Variants in PLEKHA5 observed in about 807,000 individuals in gnomAD.
PLEKHA5 encodes the protein pleckstrin homology domain-containing family A member 5.
PLEKHA5 carries 55 observed loss-of-function variants against 181.9 expected under a neutral mutation model. That is an observed-to-expected ratio of 0.30 (90% CI 0.24 to 0.38). The LOEUF is 0.38. Among genes scored for constraint, PLEKHA5 ranks in the 10% least tolerant of loss-of-function variants. The pLI, the probability that PLEKHA5 is intolerant of heterozygous loss-of-function variation, is 1.00. For missense variants in PLEKHA5, 1,432 were observed against 1,549.5 expected (o/e 0.92, Z 1.27); for synonymous variants, 535 against 529.4 (o/e 1.01, Z -0.15).
At chr12:19,245,914 A>G (rs2063625150) in intron 3 of PLEKHA5, among the ~76,000 whole-genome samples, 1 of 151,674 alleles carries the variant, frequency 6.6e-6, no homozygotes, top group Admixed American at 6.6e-5. Flanking sequence ...TTGAAATCAT[A>G]AGTATTATTT....
At chr12:19,197,057 G>C (rs954956362) in intron 3 of PLEKHA5, among the ~76,000 whole-genome samples, 2 of 151,984 alleles carry the variant, frequency 1.3e-5, no homozygotes, top group African/African-American at 4.8e-5. Context: ...CTGCCCTTCT[G>C]TAGAGGTAGC....
At chr12:19,254,106 G>T (rs1459467605) in intron 4 of PLEKHA5, 83 bp downstream of exon 4, 2 of 828,442 alleles carry the variant, frequency 2.4e-6, no homozygotes, top group Non-Finnish European at 4.0e-6. Flanking sequence ...CAATTTAGCA[G>T]TTTTCTTATC....
intron 11 of PLEKHA5, among the ~76,000 whole-genome samples, chr12:19,282,751 A>G (rs2076447218): frequency 6.6e-6 from 1 of 152,204 alleles, no homozygotes; most frequent in African/African-American, 2.4e-5. Flanking sequence ...TCATCTTTAA[A>G]TCAAACTCTA....
At chr12:19,369,001 AT>A (rs2095507696) in intron 30 of PLEKHA5, among the ~76,000 whole-genome samples, 1 of 151,928 alleles carries the variant, frequency 6.6e-6, no homozygotes, top group Non-Finnish European at 1.5e-5. Context: ...GAAAAAAAAA[AT>A]GTAAAGTATT....
At chr12:19,264,252 G>A (rs369299807) in intron 7 of PLEKHA5, among the ~76,000 whole-genome samples, 213 of 152,148 alleles carry the variant, frequency 1.4e-3, no homozygotes, top group Middle Eastern at 3.4e-3. Context: ...ACTTGGCAAG[G>A]ATTTCACAGC....
intron 3 of PLEKHA5, among the ~76,000 whole-genome samples, chr12:19,232,686 C>G (rs776659390): frequency 2.0e-5 from 3 of 152,090 alleles, no homozygotes; most frequent in Non-Finnish European, 4.4e-5. Context: ...TCATTTGATT[C>G]TTAAATCATT....
intron 8 of PLEKHA5, among the ~76,000 whole-genome samples, chr12:19,266,233 G>A (rs1360703362): frequency 1.3e-5 from 2 of 151,592 alleles, no homozygotes; most frequent in Admixed American, 1.3e-4. Context: ...CAGCACTTCC[G>A]GAGACCAAGG....
At chr12:19,361,799 C>A in intron 29 of PLEKHA5, 93 bp downstream of exon 29, 1 of 1,037,776 alleles carries the variant, frequency 9.6e-7, no homozygotes. Context: ...GGATTTCAGC[C>A]CCAGCTTAGC....
rs1231697395 is a variant in PLEKHA5 at position 19,322,615 on chromosome 12, A to G, written c.2396A>G (p.Asp799Gly). 2 of 1,613,832 alleles carry G rather than the reference A, an allele frequency of 1.2e-6. No individual in the cohort carries two copies. The highest frequency in any genetic ancestry group is 1.7e-5 in the Admixed American group (1 of 59,988). ...AIQTVVLQRDDLQNGLLSTCR... is the reference protein window; with the variant it reads ...AIQTVVLQRDGLQNGLLSTCR... ...CAGACAGTGGTGTTACAAAGGGATG[A>G]TTTACAAAATGGACTGCTTAGTACG... Residue 799 changes from aspartate to glycine, a missense_variant, in exon 20 of 32, where the codon GAT (aspartate) becomes GGT (glycine). By Grantham distance (94) the Asp-to-Gly change is moderately conservative. This residue lies in a region of PLEKHA5 where 1,143 missense variants were observed against 1,168.4 expected (regional missense o/e 0.98). Coordinates refer to ENST00000429027, the MANE Select transcript of PLEKHA5 (RefSeq NM_001256470.2).
At chr12:19,323,645 C>T (rs1345384221) in intron 20 of PLEKHA5, among the ~76,000 whole-genome samples, 4 of 151,676 alleles carry the variant, frequency 2.6e-5, no homozygotes, top group Admixed American at 1.3e-4. Context: ...GGTGAAACCT[C>T]GTCTCTACCA....
chr12:19,306,990 AC>A (rs2084059570), intron 15 of PLEKHA5: 2 of 1,474,680 alleles, frequency 1.4e-6, no homozygotes, highest in African/African-American at 2.8e-5. Context: ...GCGCTGTTCC[AC>A]CGGCTGCTTT....
At chr12:19,237,637 C>T (rs1704149282) in intron 3 of PLEKHA5, among the ~76,000 whole-genome samples, 1 of 151,726 alleles carries the variant, frequency 6.6e-6, no homozygotes. Flanking sequence ...AATTTAAGAG[C>T]AATATAATGG....
intron 3 of PLEKHA5, among the ~76,000 whole-genome samples, chr12:19,155,280 C>T (rs980127929): frequency 1.3e-5 from 2 of 152,186 alleles, no homozygotes; most frequent in Non-Finnish European, 2.9e-5. Flanking sequence ...AATCCTAAAC[C>T]TGTTTTGACC....
chr12:19,143,254 A>G (rs1475945451), intron 3 of PLEKHA5, among the ~76,000 whole-genome samples: 2 of 152,224 alleles, frequency 1.3e-5, no homozygotes, highest in Non-Finnish European at 2.9e-5. Flanking sequence ...ACAATGTGCA[A>G]GGATTTCCTT....
At chr12:19,332,763 G>A (rs963676433) in intron 20 of PLEKHA5, among the ~76,000 whole-genome samples, 3 of 152,132 alleles carry the variant, frequency 2.0e-5, no homozygotes, top group Non-Finnish European at 4.4e-5. Context: ...TCGCTCAAGC[G>A]ATCCTCTCAC....
rs760112727 is a variant in PLEKHA5 at position 19,366,039 on chromosome 12, C to T, written c.3684C>T (p.Asp1228=). Residue 1228 remains aspartate (D), a synonymous_variant, in exon 30 of 32, where the codon GAC becomes GAT. Coordinates refer to ENST00000429027, the MANE Select transcript of PLEKHA5 (RefSeq NM_001256470.2). ...AAGAAAATACAAAGAACAGTGTTGA[C>T]GAACAGGAAGAAACTGTTATTTCTT... ...HPEENTKNSV[D]EQEETVISYE... 1.5e-5 allele frequency: 24 copies of T among 1,610,902 alleles called. No homozygotes were observed. The highest frequency in any genetic ancestry group is 9.9e-5 in the South Asian group (9 of 90,744).
chr12:19,208,638 A>T (rs1174859009), intron 3 of PLEKHA5, among the ~76,000 whole-genome samples: 1 of 152,178 alleles, frequency 6.6e-6, no homozygotes, highest in East Asian at 1.9e-4. Flanking sequence ...TAATTTAAAT[A>T]GCAGTTTTCT....
intron 15 of PLEKHA5, among the ~76,000 whole-genome samples, chr12:19,304,867 G>T (rs2082718459): frequency 6.6e-6 from 1 of 151,990 alleles, no homozygotes; most frequent in Non-Finnish European, 1.5e-5. Flanking sequence ...GGCCAACACG[G>T]GTGGATCTCT....
chr12:19,348,708 A>G (rs1159696934), intron 25 of PLEKHA5, among the ~76,000 whole-genome samples, 189 bp downstream of exon 25: 1 of 152,176 alleles, frequency 6.6e-6, no homozygotes, highest in East Asian at 1.9e-4. Flanking sequence ...TGGCCCATAA[A>G]TGATATATGT....
Sources: allele counts gnomAD v4.1 joint callset (sites outside exome capture counted in the v4.1 genomes callset), GRCh38; gene constraint gnomAD v4.1.1; regional missense constraint gnomAD v4.1.1; transcripts MANE v1.5; gene names NCBI Gene and HGNC (gene_info 2026-07-23, HGNC 2026-07-21).